The following BTRC variants were observed in gnomAD, a reference collection of about 807,000 sequenced individuals.
BTRC encodes the protein F-box/WD repeat-containing protein 1A.
In BTRC, 42 loss-of-function variants were observed where a neutral mutation model predicts 85.5. That is an observed-to-expected ratio of 0.49 (90% confidence interval 0.38 to 0.64). The LOEUF (loss-of-function observed/expected upper bound fraction) is 0.64, where lower values mean the gene tolerates loss of function less well. Ranked by LOEUF, BTRC falls within the 30% of genes least tolerant of loss-of-function variation. BTRC has a pLI of 0.00. For missense variants in BTRC, 594 were observed against 743.5 expected, an observed-to-expected ratio of 0.80 and a Z score of 2.34; for synonymous variants, 255 against 263.3, an observed-to-expected ratio of 0.97 and a Z score of 0.30.
intron 1 of BTRC, among the ~76,000 whole-genome samples, chr10:101,366,227 A>G (rs1034784960): frequency 3.9e-5 from 6 of 152,132 alleles, no homozygotes; most frequent in Admixed American, 1.3e-4. Context: ...GGGTTGACAA[A>G]GAGAGGTCAT....
At chr10:101,361,232 A>G (rs1050857723) in intron 1 of BTRC, among the ~76,000 whole-genome samples, 4 of 151,474 alleles carry the variant, frequency 2.6e-5, no homozygotes, top group African/African-American at 9.7e-5. Flanking sequence ...TCAGCCTCCC[A>G]AATAGCTGGG....
At chr10:101,361,762 C>CAGA (rs1472422824) in intron 1 of BTRC, among the ~76,000 whole-genome samples, 1 of 152,106 alleles carries the variant, frequency 6.6e-6, no homozygotes, top group Admixed American at 6.6e-5. Flanking sequence ...ACAGAAGACT[C>CAGA]AGAGATAAAC....
chr10:101,491,027 C>A (rs1045123839), intron 4 of BTRC, among the ~76,000 whole-genome samples: 1 of 150,352 alleles, frequency 6.7e-6, no homozygotes, highest in African/African-American at 2.5e-5. Context: ...CCACTGTACT[C>A]CAGCCTGGGT....
At chr10:101,503,219 C>T (rs1946438168) in intron 4 of BTRC, among the ~76,000 whole-genome samples, 1 of 152,092 alleles carries the variant, frequency 6.6e-6, no homozygotes, top group African/African-American at 2.4e-5. Context: ...TTCAGTGTGG[C>T]ACTTTGAGTC....
rs990835255 is a variant in BTRC, at chr10:101,554,545, C to T, written c.*1422C>T. The T allele has an allele frequency of 1.3e-5, 2 of 152,652 alleles. No individual in the cohort carries two copies. Among genetic ancestry groups the T allele is most frequent in the Admixed American group, 1.3e-4 (2 of 15,290 alleles). 9.5% of individuals were successfully genotyped at this position (152,652 alleles called of 1,614,324 possible). A position where few individuals can be genotyped will look rare whatever the true frequency, so the allele number is the denominator to read the frequency against. ...ACCCAGTATTTGCAGAAGGGCAAAGCTGCTTAAGAGAGAGGATCAGGGTGA... is the reference window on the plus strand; with the variant it reads ...ACCCAGTATTTGCAGAAGGGCAAAGTTGCTTAAGAGAGAGGATCAGGGTGA... On this transcript the variant is annotated 3_prime_UTR_variant, in exon 15 of 15. Transcript: ENST00000370187.
At chr10:101,394,340 G>T (rs920764692) in intron 1 of BTRC, among the ~76,000 whole-genome samples, 3 of 152,136 alleles carry the variant, frequency 2.0e-5, no homozygotes, top group Admixed American at 6.5e-5. Context: ...ATACTATTTT[G>T]TATCTTGGAG....
At chr10:101,360,689 C>T (rs1942181289) in intron 1 of BTRC, among the ~76,000 whole-genome samples, 1 of 152,070 alleles carries the variant, frequency 6.6e-6, no homozygotes, top group African/African-American at 2.4e-5. Context: ...TGGGATCTTG[C>T]TTGCTCTGTT....
intron 1 of BTRC, among the ~76,000 whole-genome samples, chr10:101,370,821 C>G (rs1164845710): frequency 6.6e-6 from 1 of 152,152 alleles, no homozygotes; most frequent in Non-Finnish European, 1.5e-5. Context: ...ATTCACCTGC[C>G]TCTGCCTCCC....
At chr10:101,447,584 A>G (rs913799955) in intron 2 of BTRC, among the ~76,000 whole-genome samples, 1 of 152,190 alleles carries the variant, frequency 6.6e-6, no homozygotes, top group African/African-American at 2.4e-5. Context: ...TGTCAAACCA[A>G]TTATCTATTA....
chr10:101,541,334 A>G (rs1344506557), intron 13 of BTRC, among the ~76,000 whole-genome samples: 1 of 151,134 alleles, frequency 6.6e-6, no homozygotes, highest in East Asian at 1.9e-4. Flanking sequence ...ATCTCAGCGC[A>G]CTGCAAGCTC....
intron 1 of BTRC, among the ~76,000 whole-genome samples, chr10:101,364,518 CT>C (rs1942307335): frequency 6.6e-6 from 1 of 152,218 alleles, no homozygotes; most frequent in South Asian, 2.1e-4. Flanking sequence ...CATCTCTTCG[CT>C]GCACCTAAAC....
At chr10:101,375,898 A>G (rs1014798850) in intron 1 of BTRC, among the ~76,000 whole-genome samples, 1 of 152,222 alleles carries the variant, frequency 6.6e-6, no homozygotes, top group Admixed American at 6.5e-5. Flanking sequence ...TTGACAAAAT[A>G]TCTAGTCCAC....
intron 2 of BTRC, among the ~76,000 whole-genome samples, chr10:101,455,141 C>G (rs11191018): frequency 0.027 from 4,055 of 151,490 alleles, 189 homozygotes; most frequent in African/African-American, 0.09. Flanking sequence ...ACCCCAAACT[C>G]CTGGGCTTAA....
At chr10:101,516,069 T>C (rs1190132411) in intron 4 of BTRC, among the ~76,000 whole-genome samples, 2 of 152,146 alleles carry the variant, frequency 1.3e-5, no homozygotes, top group Non-Finnish European at 2.9e-5. Flanking sequence ...CATTTCTATT[T>C]ATGTTATACT....
intron 2 of BTRC, among the ~76,000 whole-genome samples, chr10:101,444,002 A>G (rs1041574648): frequency 5.3e-5 from 8 of 152,258 alleles, no homozygotes; most frequent in African/African-American, 1.9e-4. Flanking sequence ...GTCACTGTGC[A>G]TATAATTACT....
At chr10:101,532,246 G>A (rs749094508) in intron 7 of BTRC, 49 bp from the exon 8 acceptor site, 3 of 1,559,448 alleles carry the variant, frequency 1.9e-6, no homozygotes, top group South Asian at 1.2e-5. Context: ...AAAAGAGTTT[G>A]ATTCTAGGTG....
intron 1 of BTRC, among the ~76,000 whole-genome samples, chr10:101,358,175 T>A (rs1264187685): frequency 6.6e-6 from 1 of 152,202 alleles, no homozygotes; most frequent in Non-Finnish European, 1.5e-5. Context: ...AGTCATAGCT[T>A]GCTGCAGCCT....
intron 3 of BTRC, among the ~76,000 whole-genome samples, chr10:101,471,417 CT>C (rs561442558): frequency 1.3e-5 from 2 of 151,554 alleles, no homozygotes; most frequent in African/African-American, 4.8e-5. Context: ...TAGATAACTA[CT>C]TTTTTTTTCA....
chr10:101,529,691 G>A (rs1364876621), intron 6 of BTRC, among the ~76,000 whole-genome samples: 2 of 151,874 alleles, frequency 1.3e-5, no homozygotes, highest in Non-Finnish European at 2.9e-5. Context: ...TTTCTTTTCT[G>A]TATTAACACA....
Sources: gnomAD v4.1 joint callset for allele counts (sites outside exome capture counted in the v4.1 genomes callset) on GRCh38, gnomAD v4.1.1 for gene constraint, MANE v1.5 for transcripts, NCBI Gene and HGNC (gene_info 2026-07-23, HGNC 2026-07-21) for gene names.